The following ABCC4 variants were observed in gnomAD, a reference collection of about 807,000 sequenced individuals.
ABCC4 encodes the protein ATP binding cassette subfamily C member 4 (PEL blood group).
In ABCC4, 102 loss-of-function variants were observed where a neutral mutation model predicts 168.5. The observed-to-expected ratio is 0.61, with a 90% CI of 0.52 to 0.71. The LOEUF (loss-of-function observed/expected upper bound fraction) is 0.71. Ranked by LOEUF, ABCC4 falls within the 30% of genes least tolerant of loss-of-function variation. ABCC4 has a pLI of 0.00. For synonymous variants in ABCC4, 617 were observed against 590.7 expected, an observed-to-expected ratio of 1.04 and a Z score of -0.65; for missense variants, 1,402 against 1,605.8, an observed-to-expected ratio of 0.87 and a Z score of 2.17.
chr13:95,074,826 C>T (rs2033844020), intron 22 of ABCC4, among the ~76,000 whole-genome samples: 2 of 152,120 alleles, frequency 1.3e-5, no homozygotes, highest in Admixed American at 1.3e-4. Context: ...TTGTTTGCTA[C>T]TTCTTTTTTC....
chr13:95,238,489 C>A (rs1332711547), intron 3 of ABCC4, among the ~76,000 whole-genome samples: 1 of 152,116 alleles, frequency 6.6e-6, no homozygotes, highest in African/African-American at 2.4e-5. Context: ...GAAACCAATG[C>A]CTGTACACAT....
chr13:95,085,277 GA>G (rs1161200790), intron 20 of ABCC4, among the ~76,000 whole-genome samples: 2 of 32,468 alleles, frequency 6.2e-5, no homozygotes, highest in Non-Finnish European at 3.1e-4. Context: ...TATCTCTACT[GA>G]GAAAAAAAAA....
intron 1 of ABCC4, among the ~76,000 whole-genome samples, chr13:95,250,757 CTTTTTTTTTTTTTTTT>C (rs66485168): frequency 1.3e-5 from 1 of 78,874 alleles, no homozygotes; most frequent in Non-Finnish European, 2.4e-5. Flanking sequence ...ATACTGGTTT[CTTTTTTTTTTTTTTTT>C]TTTTTTTTTG....
chr13:95,290,847 A>G (rs975807247), intron 1 of ABCC4, among the ~76,000 whole-genome samples: 3 of 148,894 alleles, frequency 2.0e-5, no homozygotes, highest in African/African-American at 4.9e-5. Context: ...AAATACAAAA[A>G]TTAGCCGGGT....
chr13:95,182,749 T>C (rs1323290590), intron 11 of ABCC4, among the ~76,000 whole-genome samples: 1 of 152,160 alleles, frequency 6.6e-6, no homozygotes, highest in Non-Finnish European at 1.5e-5. Flanking sequence ...ATCACACACC[T>C]ACTGAAGAGG....
intron 19 of ABCC4, among the ~76,000 whole-genome samples, chr13:95,129,226 C>T (rs57794618): frequency 0.13 from 19,679 of 152,100 alleles, 1,795 homozygotes; most frequent in African/African-American, 0.26. Flanking sequence ...ACAAATATTG[C>T]GTAATTATTA....
At chr13:95,039,044 T>C (rs1450248289) in intron 29 of ABCC4, among the ~76,000 whole-genome samples, 1 of 152,164 alleles carries the variant, frequency 6.6e-6, no homozygotes, top group Non-Finnish European at 1.5e-5. Context: ...AATCTGATGC[T>C]ACAAGGGCCA....
At chr13:95,299,658 C>G (rs1170703933) in intron 1 of ABCC4, among the ~76,000 whole-genome samples, 1 of 151,946 alleles carries the variant, frequency 6.6e-6, no homozygotes, top group Non-Finnish European at 1.5e-5. Flanking sequence ...TCCAGTGTGG[C>G]CCAGGGAACC....
intron 19 of ABCC4, among the ~76,000 whole-genome samples, chr13:95,119,680 G>A (rs141275611): frequency 3.9e-5 from 6 of 152,188 alleles, no homozygotes; most frequent in African/African-American, 7.2e-5. Flanking sequence ...CCTTATAACC[G>A]TACTACAATT....
intron 4 of ABCC4, among the ~76,000 whole-genome samples, chr13:95,218,989 G>A (rs55633310): frequency 0.51 from 32,383 of 63,082 alleles, 6,555 homozygotes; most frequent in Admixed American, 0.54. Context: ...AAGAAAGAGT[G>A]AGAAAGAAAG....
intron 20 of ABCC4, among the ~76,000 whole-genome samples, chr13:95,104,027 T>C (rs2034909823): frequency 6.6e-6 from 1 of 152,208 alleles, no homozygotes; most frequent in Admixed American, 6.5e-5. Flanking sequence ...CCTTTGCTGC[T>C]GTGATGTGAA....
chr13:95,042,455 G>A (rs2032403211), intron 29 of ABCC4, among the ~76,000 whole-genome samples: 1 of 152,206 alleles, frequency 6.6e-6, no homozygotes, highest in Non-Finnish European at 1.5e-5. Context: ...CTAAAGGACT[G>A]TGGCTTTTAC....
chr13:95,228,169 C>T (rs896343915), intron 4 of ABCC4, among the ~76,000 whole-genome samples: 2 of 152,230 alleles, frequency 1.3e-5, no homozygotes, highest in Non-Finnish European at 2.9e-5. Flanking sequence ...TATCAATTGT[C>T]TGTCCACATC....
At chr13:95,136,194 G>A (rs568172238) in intron 19 of ABCC4, among the ~76,000 whole-genome samples, 3 of 152,006 alleles carry the variant, frequency 2.0e-5, no homozygotes, top group South Asian at 2.1e-4. Context: ...GTTTTGAGAC[G>A]GGGGTTTTCA....
intron 6 of ABCC4, among the ~76,000 whole-genome samples, chr13:95,208,607 T>C (rs1205553102): frequency 8.8e-6 from 1 of 113,774 alleles, no homozygotes; most frequent in East Asian, 2.8e-4. Flanking sequence ...AAGCTGTATT[T>C]CTTTTTTTTT....
Position 95,208,608 on chromosome 13 carries a change from C to CT in ABCC4, c.786-684dup, listed in dbSNP as rs58749262. On this transcript the variant is annotated intron_variant, in intron 6 of 30. Transcript: ENST00000645237. ...AATCTCTTGATCAAAAGCTGTATTT[C>CT]TTTTTTTTTTTTTTTTTTTTTTTTT... Among the ~76,000 whole-genome samples, 179 of 74,652 alleles carry CT rather than the reference C, an allele frequency of 2.4e-3. 14 individuals carry two copies. The highest frequency in any genetic ancestry group is 2.8e-3 in the South Asian group (5 of 1,816). The allele number at this position is 74,652 out of a possible 152,430, so 49.0% of individuals were successfully genotyped here.
intron 14 of ABCC4, among the ~76,000 whole-genome samples, chr13:95,167,177 C>CATAAATAAATAAATAAATAA (rs57260755): frequency 2.1e-5 from 3 of 143,452 alleles, no homozygotes; most frequent in African/African-American, 5.3e-5. Flanking sequence ...AACTCCATCT[C>CATAAATAAATAAATAAATAA]ATAAATAAAT....
intron 30 of ABCC4, among the ~76,000 whole-genome samples, chr13:95,032,946 G>GT (rs1173950189): frequency 6.8e-6 from 1 of 146,324 alleles, no homozygotes; most frequent in Non-Finnish European, 1.5e-5. Flanking sequence ...GGTTACAGGT[G>GT]TGAGCCATCA....
intron 25 of ABCC4, among the ~76,000 whole-genome samples, chr13:95,064,258 GTGTATATATATATATATATATATATA>G: frequency 1.1e-4 from 1 of 8,990 alleles, no homozygotes; most frequent in African/African-American, 7.8e-4. Flanking sequence ...GTGTGTGTGT[GTGTATATATATATATATATATATATA>G]TATATATATA....
Sources: gnomAD v4.1 joint callset for allele counts (sites outside exome capture counted in the v4.1 genomes callset) on GRCh38, gnomAD v4.1.1 for gene constraint, MANE v1.5 for transcripts, NCBI Gene and HGNC (gene_info 2026-07-23, HGNC 2026-07-21) for gene names.